The following SYT9 variants were observed in gnomAD, a reference collection of about 807,000 sequenced individuals.
SYT9 encodes the protein synaptotagmin 9.
Under a neutral mutation model 48.4 loss-of-function variants are expected in SYT9, and 22 were observed. The observed-to-expected ratio is 0.45, with a 90% CI of 0.32 to 0.65. SYT9 has a LOEUF of 0.65. Ranked by LOEUF, SYT9 falls within the 30% of genes least tolerant of loss-of-function variation. The pLI, the probability that SYT9 is intolerant of heterozygous loss-of-function variation, is 0.03. For synonymous variants in SYT9, 265 were observed against 245.0 expected, an observed-to-expected ratio of 1.08 and a Z score of -0.76; for missense variants, 577 against 622.0, an observed-to-expected ratio of 0.93 and a Z score of 0.77.
At chr11:7,420,270 A>G (rs959397989) in intron 5 of SYT9, among the ~76,000 whole-genome samples, 3 of 152,182 alleles carry the variant, frequency 2.0e-5, no homozygotes, top group South Asian at 2.1e-4. Context: ...TTCTTTGAAC[A>G]AGGTTCTTGG....
intron 4 of SYT9, 83 bp from the exon 5 acceptor site, chr11:7,417,874 C>G: frequency 7.0e-7 from 1 of 1,434,854 alleles, no homozygotes; most frequent in Non-Finnish European, 9.5e-7. Context: ...ATACCATAGT[C>G]CATGAAAACT....
intron 3 of SYT9, among the ~76,000 whole-genome samples, chr11:7,365,225 G>A (rs1289679520): frequency 6.6e-6 from 1 of 152,000 alleles, no homozygotes; most frequent in Non-Finnish European, 1.5e-5. Context: ...CTCAAGATGG[G>A]GTGGGGAAAT....
intron 3 of SYT9, among the ~76,000 whole-genome samples, chr11:7,324,633 A>C (rs922038115): frequency 6.6e-6 from 1 of 151,868 alleles, no homozygotes; most frequent in East Asian, 1.9e-4. Flanking sequence ...AGCATCAAAT[A>C]TGAGTTTTTC....
intron 3 of SYT9, among the ~76,000 whole-genome samples, chr11:7,343,061 C>T (rs1468669943): frequency 1.3e-5 from 2 of 152,184 alleles, no homozygotes; most frequent in Non-Finnish European, 2.9e-5. Context: ...GGTAGGGGTA[C>T]ACTGGACCTA....
chr11:7,245,563 T>C (rs1462603279), intron 1 of SYT9, among the ~76,000 whole-genome samples: 5 of 152,190 alleles, frequency 3.3e-5, no homozygotes, highest in Non-Finnish European at 7.3e-5. Context: ...ATTCTGTTTG[T>C]ACTGCTGTAA....
intron 3 of SYT9, among the ~76,000 whole-genome samples, chr11:7,379,020 A>G (rs754145124): frequency 2.0e-5 from 3 of 152,180 alleles, no homozygotes; most frequent in Non-Finnish European, 2.9e-5. Flanking sequence ...ATAAAAAACA[A>G]TTTTTCATCT....
At chr11:7,358,935 G>A (rs1039723804) in intron 3 of SYT9, among the ~76,000 whole-genome samples, 15 of 152,084 alleles carry the variant, frequency 9.9e-5, no homozygotes, top group Admixed American at 2.6e-4. Context: ...GTGCTATGCT[G>A]GTGCGCTGCA....
intron 3 of SYT9, among the ~76,000 whole-genome samples, chr11:7,401,194 A>C (rs1589999556): frequency 6.6e-6 from 1 of 151,810 alleles, no homozygotes; most frequent in South Asian, 2.1e-4. Context: ...AAATTACTAA[A>C]CAACTTTTTT....
At chr11:7,239,493 C>T (rs947981575) in intron 1 of SYT9, among the ~76,000 whole-genome samples, 1 of 152,126 alleles carries the variant, frequency 6.6e-6, no homozygotes, top group Non-Finnish European at 1.5e-5. Flanking sequence ...ATGGTTTTAC[C>T]ACAACTGCCT....
At chr11:7,443,658 C>A (rs1167820275) in intron 6 of SYT9, among the ~76,000 whole-genome samples, 1 of 152,244 alleles carries the variant, frequency 6.6e-6, no homozygotes, top group African/African-American at 2.4e-5. Context: ...ACCTCATCTC[C>A]AGATGCAGAT....
chr11:7,435,096 C>T (rs4304754), intron 6 of SYT9: 95,181 of 152,130 alleles, frequency 0.63, 30,415 homozygotes, highest in African/African-American at 0.75. Flanking sequence ...TCAAGGTTCC[C>T]GCCATCAACC....
At chr11:7,452,962 A>T (rs1187082567) in intron 6 of SYT9, among the ~76,000 whole-genome samples, 1 of 152,024 alleles carries the variant, frequency 6.6e-6, no homozygotes, top group Non-Finnish European at 1.5e-5. Context: ...TTGTATTTTT[A>T]GTAGAGACGG....
At chr11:7,295,999 A>AT (rs1392363019) in intron 1 of SYT9, among the ~76,000 whole-genome samples, 3 of 152,166 alleles carry the variant, frequency 2.0e-5, no homozygotes, top group Admixed American at 1.3e-4. Flanking sequence ...ATGCCAGGCC[A>AT]TTTTTTAAAG....
chr11:7,391,735 T>TAAAAAAAGAAAAAAAAA (rs1846615287), intron 3 of SYT9, among the ~76,000 whole-genome samples: 1 of 35,940 alleles, frequency 2.8e-5, no homozygotes, highest in Non-Finnish European at 5.0e-5. Flanking sequence ...ACCCCATCTC[T>TAAAAAAAGAAAAAAAAA]AAAAAAAAAA....
intron 6 of SYT9, among the ~76,000 whole-genome samples, chr11:7,434,321 A>G (rs7942758): frequency 0.59 from 89,336 of 151,510 alleles, 26,526 homozygotes; most frequent in East Asian, 0.7. Context: ...CCTAGTTCTA[A>G]GGCGTCTATG....
intron 1 of SYT9, among the ~76,000 whole-genome samples, chr11:7,286,004 G>A (rs1006387778): frequency 2.0e-5 from 3 of 152,170 alleles, no homozygotes; most frequent in African/African-American, 7.2e-5. Context: ...TTTAGTGCCT[G>A]TGGCTTTTCC....
intron 3 of SYT9, among the ~76,000 whole-genome samples, chr11:7,396,087 G>A (rs7113923): frequency 0.45 from 68,480 of 151,768 alleles, 15,766 homozygotes; most frequent in East Asian, 0.74. Flanking sequence ...CCCTTTATTA[G>A]TATTTAGTTT....
At chr11:7,424,327 G>T (rs1439727371) in intron 6 of SYT9, among the ~76,000 whole-genome samples, 2 of 152,166 alleles carry the variant, frequency 1.3e-5, no homozygotes, top group Admixed American at 6.5e-5. Flanking sequence ...CCCCCAAGCA[G>T]ACTGCCTAGG....
Position 7,466,947 on chromosome 11 carries a change from TC to T in SYT9, c.*149del. ...AACCACAGCACTAACTGGCCTTCTT[TC>T]CAGATTGGGTTTGGTGAACCTGAAT... On this transcript the variant is annotated 3_prime_UTR_variant, in exon 7 of 7. Coordinates refer to ENST00000318881, the MANE Select transcript of SYT9 (RefSeq NM_175733.4). The T allele has an allele frequency of 9.7e-7, 1 of 1,035,660 alleles. No homozygotes were observed. The highest frequency in any genetic ancestry group is 1.4e-6 in the Non-Finnish European group (1 of 692,034). The allele number at this position is 1,035,660 out of a possible 1,614,324, so 64.2% of individuals were successfully genotyped here. A position where few individuals can be genotyped will look rare whatever the true frequency, so the allele number is the denominator to read the frequency against.
Sources: gnomAD v4.1 joint callset for allele counts (sites outside exome capture counted in the v4.1 genomes callset) on GRCh38, gnomAD v4.1.1 for gene constraint, MANE v1.5 for transcripts, NCBI Gene and HGNC (gene_info 2026-07-23, HGNC 2026-07-21) for gene names.